Variants in GBX2 observed in about 807,000 individuals in gnomAD.
The protein encoded by GBX2 is homeobox protein GBX-2.
GBX2 carries 5 observed loss-of-function variants against 22.4 expected under a neutral mutation model. That is an observed-to-expected ratio of 0.22 (90% CI 0.12 to 0.47). GBX2 has a LOEUF of 0.47. Among genes scored for constraint, GBX2 ranks in the 20% least tolerant of loss-of-function variants. The pLI is 0.99. For missense variants in GBX2, 470 were observed against 495.4 expected, an observed-to-expected ratio of 0.95 and a Z score of 0.49; for synonymous variants, 220 against 230.5, an observed-to-expected ratio of 0.95 and a Z score of 0.41.
chr2:236,165,245 T>TC lies in GBX2; in HGVS notation c.*668_*669insG, dbSNP rs1450966860. 1 of 151,840 alleles carries TC rather than the reference T, an allele frequency of 6.6e-6. No homozygotes were observed. The highest frequency in any genetic ancestry group is 2.4e-5 in the African/African-American group (1 of 41,084). The allele number at this position is 151,840 out of a possible 1,614,324, so 9.4% of individuals were successfully genotyped here. Reference sequence around the variant, plus strand: ...TTATGAGGCCCAGGGATTGGTCTTTTTCCCCCCCTCTCTCCTTTTTATTAT... The same window carrying TC: ...TTATGAGGCCCAGGGATTGGTCTTTTCTCCCCCCCTCTCTCCTTTTTATTAT... On this transcript the variant is annotated 3_prime_UTR_variant, in exon 2 of 2. Transcript: ENST00000306318.
chr2:236,167,000 G>C lies in GBX2; in HGVS notation c.523+449C>G. ...AGACACCCCCAACACAAACACACAGGCACAGCCTCCCAGCAGTCCGTTTCT... is the reference window on the plus strand; with the variant it reads ...AGACACCCCCAACACAAACACACAGCCACAGCCTCCCAGCAGTCCGTTTCT... On this transcript the variant is annotated intron_variant, in intron 1 of 1. Coordinates refer to ENST00000306318, the MANE Select transcript of GBX2 (RefSeq NM_001485.4). This position sits in a 1 kb window ranked among gnomAD's most constrained non-coding sequence, Gnocchi z 6.6. 1 of 781,840 alleles carries C rather than the reference G, an allele frequency of 1.3e-6. No individual in the cohort carries two copies. Among genetic ancestry groups the C allele is most frequent in the South Asian group, 1.5e-5 (1 of 65,232 alleles). 48.4% of individuals were successfully genotyped at this position (781,840 alleles called of 1,614,324 possible). A position where few individuals can be genotyped will look rare whatever the true frequency, so the allele number is the denominator to read the frequency against.
downstream of GBX2, among the ~76,000 whole-genome samples, chr2:236,161,398 T>C (rs1281454465): frequency 6.6e-6 from 1 of 152,272 alleles, no homozygotes; most frequent in African/African-American, 2.4e-5. Context: ...GTGTTGCTTA[T>C]GTGCGTTGGG....
At chr2:236,161,494 G>C (rs1051934220), downstream of GBX2, among the ~76,000 whole-genome samples, 1 of 152,144 alleles carries the variant, frequency 6.6e-6, no homozygotes, top group African/African-American at 2.4e-5. Context: ...ACACCCTAAG[G>C]GCCTAAAATG....
downstream of GBX2, among the ~76,000 whole-genome samples, chr2:236,164,437 C>A (rs558746141): frequency 7.2e-4 from 110 of 152,284 alleles, 1 homozygote; most frequent in South Asian, 0.022. Flanking sequence ...CGGCAGCGAG[C>A]GGACAGGGCT....
chr2:236,167,954 C>T lies in GBX2; in HGVS notation c.18G>A (p.Pro6=), dbSNP rs1211145694. 9.6e-6 allele frequency: 15 copies of T among 1,559,730 alleles called. No homozygotes were observed. The South Asian group carries it at 1.7e-4, about 18-fold the overall frequency. Residue 6 remains proline (P), a synonymous_variant, in exon 1 of 2, where the codon CCG becomes CCA. Transcript: ENST00000306318. Reference sequence around the variant, plus strand: ...GGCGCTGCATCATCATCAGCGACGGCGGGAACGCTGCGCTCATAGACGCGC... The same window carrying T: ...GGCGCTGCATCATCATCAGCGACGGTGGGAACGCTGCGCTCATAGACGCGC... MSAAF[P]PSLMMMQRPL... is the part of the protein sequence containing the mutation.
At chr2:236,162,254 G>A (rs1486605778), downstream of GBX2, among the ~76,000 whole-genome samples, 1 of 152,174 alleles carries the variant, frequency 6.6e-6, no homozygotes, top group Non-Finnish European at 1.5e-5. Context: ...AGGCAAACCC[G>A]GGCTCAAAAA....
In GBX2 at chr2:236,168,207, G is replaced by A. The variant is rs2060254535; in HGVS notation, c.-236C>T. The A allele has an allele frequency of 1.1e-5, 3 of 282,456 alleles. No individual in the cohort carries two copies. The highest frequency in any genetic ancestry group is 1.3e-5 in the Non-Finnish European group (2 of 155,326). 17.5% of individuals were successfully genotyped at this position (282,456 alleles called of 1,614,324 possible). On this transcript the variant is annotated 5_prime_UTR_variant, in exon 1 of 2. Coordinates refer to ENST00000306318, the MANE Select transcript of GBX2 (RefSeq NM_001485.4). The stretch of plus-strand genomic sequence containing the variant: ...TGGAGAGGGCGCCCGGGCCCCGAGG[G>A]CTCGCCGGAGCCCCCGTCCGCCGCT...
chr2:236,163,607 C>A (rs1204606019), downstream of GBX2, among the ~76,000 whole-genome samples: 2 of 152,220 alleles, frequency 1.3e-5, no homozygotes, highest in African/African-American at 4.8e-5. Context: ...GTCTCTTCCC[C>A]CGACCCGCAG....
At chr2:236,167,191 G>A (rs1483909606) in intron 1 of GBX2, 14 of 1,535,210 alleles carry the variant, frequency 9.1e-6, no homozygotes, top group Admixed American at 3.9e-5. Flanking sequence ...CAAACGCATC[G>A]TCAGATAGAT....
chr2:236,164,373 G>A (rs1229970225), downstream of GBX2, among the ~76,000 whole-genome samples: 1 of 152,108 alleles, frequency 6.6e-6, no homozygotes, highest in African/African-American at 2.4e-5. Flanking sequence ...TCGCTGGCCC[G>A]CTGAACGCCC....
chr2:236,162,699 G>T (rs2060218586), downstream of GBX2, among the ~76,000 whole-genome samples: 1 of 152,174 alleles, frequency 6.6e-6, no homozygotes, highest in South Asian at 2.1e-4. Flanking sequence ...GCGTCCCAGT[G>T]CACGGCTGGG....
At chr2:236,167,113 G>A (rs764658283) in intron 1 of GBX2, 1 of 1,534,272 alleles carries the variant, frequency 6.5e-7, no homozygotes, top group South Asian at 1.2e-5. Flanking sequence ...AGCCCAACCC[G>A]TCTCCCCTAG....
chr2:236,164,423 G>C (rs1450209194), downstream of GBX2, among the ~76,000 whole-genome samples: 2 of 152,182 alleles, frequency 1.3e-5, no homozygotes, highest in Non-Finnish European at 2.9e-5. Flanking sequence ...CGCGCTTCGG[G>C]GTCCGGCAGC....
rs762410436 is a variant in GBX2 at position 236,167,441 on chromosome 2, C to G, written c.523+8G>C. ...CCCTCGTCCCGGCTGCGCGCGCCGC[C>G]GACTCACCGAGCGAAGCCTGCACCG... On this transcript the variant is annotated splice_region_variant and intron_variant, in intron 1 of 1. Coordinates refer to ENST00000306318, the MANE Select transcript of GBX2 (RefSeq NM_001485.4). 1 of 1,512,298 alleles carries G rather than the reference C, an allele frequency of 6.6e-7. No individual in the cohort carries two copies. The highest frequency in any genetic ancestry group is 8.8e-7 in the Non-Finnish European group (1 of 1,141,922). 93.7% of individuals were successfully genotyped at this position (1,512,298 alleles called of 1,614,324 possible).
chr2:236,162,868 G>C (rs1034251700), downstream of GBX2, among the ~76,000 whole-genome samples: 31 of 152,328 alleles, frequency 2.0e-4, no homozygotes, highest in Admixed American at 7.8e-4. Context: ...TCTCAGGCCA[G>C]AGCCTATTAG....
chr2:236,166,074 T>C lies in GBX2; in HGVS notation c.887A>G (p.Gln296Arg). The C allele has an allele frequency of 6.2e-7, 1 of 1,614,252 alleles. No homozygotes were observed. The highest frequency in any genetic ancestry group is 8.5e-7 in the Non-Finnish European group (1 of 1,180,042). ...CCGTTTCCACTTGGCCCGTCGGTTC[T>C]GGAACCAGATTTTCACCTGCACCTC... ...LSEVQVKIWFQNRRAKWKRVK... is the reference protein window; with the variant it reads ...LSEVQVKIWFRNRRAKWKRVK... The change falls in exon 2 of 2, where the codon CAG becomes CGG. Residue 296 changes from glutamine to arginine, a missense_variant. This residue lies in a region of GBX2 where 3 missense variants were observed against 22.6 expected (regional missense o/e 0.13). Transcript: ENST00000306318. This position sits in a 1 kb window ranked among gnomAD's most constrained non-coding sequence, Gnocchi z 6.6.
chr2:236,161,542 G>A (rs2060214072), downstream of GBX2, among the ~76,000 whole-genome samples: 1 of 152,194 alleles, frequency 6.6e-6, no homozygotes, highest in South Asian at 2.1e-4. Context: ...GGCTGTCCCT[G>A]TAGAACCCCG....
rs540402834 is a variant in GBX2 at position 236,165,601 on chromosome 2, G to C, written c.*313C>G. The C allele has an allele frequency of 9.2e-5, 25 of 272,994 alleles. No homozygotes were observed. In the East Asian group the frequency reaches 1.6e-3, roughly 18 times the overall value. 16.9% of individuals were successfully genotyped at this position (272,994 alleles called of 1,614,324 possible). A position where few individuals can be genotyped will look rare whatever the true frequency, so the allele number is the denominator to read the frequency against. Reference sequence around the variant, plus strand: ...ACAGCAGAGGTTTTGTTTTCTTCTGGAATGAGTGGAGAAATTACTGGGTAA... The same window carrying C: ...ACAGCAGAGGTTTTGTTTTCTTCTGCAATGAGTGGAGAAATTACTGGGTAA... On this transcript the variant is annotated 3_prime_UTR_variant, in exon 2 of 2. Coordinates refer to ENST00000306318, the MANE Select transcript of GBX2 (RefSeq NM_001485.4).
At chr2:236,161,639 C>A (rs577849712), downstream of GBX2, among the ~76,000 whole-genome samples, 1 of 152,190 alleles carries the variant, frequency 6.6e-6, no homozygotes, top group Non-Finnish European at 1.5e-5. Flanking sequence ...GAGGACCCAG[C>A]GGCCAGAAGG....
Sources: allele counts gnomAD v4.1 joint callset (sites outside exome capture counted in the v4.1 genomes callset), GRCh38; gene constraint gnomAD v4.1.1; regional missense constraint gnomAD v4.1.1; non-coding constraint Gnocchi (gnomAD v3.1); transcripts MANE v1.5; gene names NCBI Gene and HGNC (gene_info 2026-07-23, HGNC 2026-07-21).